Variants in CPSF7 observed in about 807,000 individuals in gnomAD.
CPSF7 encodes cleavage and polyadenylation specificity factor subunit 7.
In CPSF7, 1 loss-of-function variant was observed where a neutral mutation model predicts 44.3. That is an observed-to-expected ratio of 0.02 (90% confidence interval 0.01 to 0.11). The LOEUF is 0.11. CPSF7 is among the 10% of genes least tolerant of loss of function. The pLI is 1.00. For missense variants in CPSF7, 443 were observed against 607.2 expected (o/e 0.73, Z 2.84); for synonymous variants, 202 against 222.0 (o/e 0.91, Z 0.80).
intron 9 of CPSF7, chr11:61,406,283 A>G (rs1184152296): frequency 2.0e-5 from 3 of 152,224 alleles, no homozygotes; most frequent in African/African-American, 7.2e-5. Flanking sequence ...ATGGACAAAG[A>G]AGGCTACTGT....
intron 3 of CPSF7, chr11:61,420,802 G>C (rs571609789): frequency 1.9e-5 from 11 of 578,232 alleles, no homozygotes; most frequent in Middle Eastern, 4.7e-4. Context: ...AAAACTTATT[G>C]TAACTTTGAC....
chr11:61,406,188 T>C (rs1371229436), intron 9 of CPSF7: 1 of 152,180 alleles, frequency 6.6e-6, no homozygotes, highest in Non-Finnish European at 1.5e-5. Flanking sequence ...GGTGCCAATG[T>C]TGGAATGCAG....
intron 9 of CPSF7, among the ~76,000 whole-genome samples, chr11:61,405,346 G>A (rs893575254): frequency 2.0e-5 from 3 of 152,160 alleles, no homozygotes; most frequent in African/African-American, 7.2e-5. Context: ...TTTTCCAAGT[G>A]TACTAAAACT....
intron 9 of CPSF7, among the ~76,000 whole-genome samples, chr11:61,407,231 G>A (rs574590755): frequency 1.3e-5 from 2 of 152,300 alleles, no homozygotes; most frequent in East Asian, 1.9e-4. Context: ...ATGCATTTAT[G>A]TTCTAACTAC....
chr11:61,412,039 G>T, intron 7 of CPSF7, 102 bp from the exon 8 acceptor site: 1 of 1,002,878 alleles, frequency 1.0e-6, no homozygotes, highest in Non-Finnish European at 1.5e-6. Context: ...GTAGCTAGCC[G>T]TCCCAAACAA....
intron 5 of CPSF7, among the ~76,000 whole-genome samples, chr11:61,416,947 C>T (rs759898212): frequency 3.3e-5 from 5 of 152,128 alleles, no homozygotes; most frequent in Non-Finnish European, 5.9e-5. Flanking sequence ...TACTAGTTAA[C>T]CTCTTCCTGT....
At chr11:61,428,306 C>T (rs1044172284) in intron 2 of CPSF7, among the ~76,000 whole-genome samples, 1 of 152,142 alleles carries the variant, frequency 6.6e-6, no homozygotes, top group African/African-American at 2.4e-5. Flanking sequence ...CCTCACTCTC[C>T]AGAGTAGATG....
chr11:61,419,922 C>T, intron 5 of CPSF7, 27 bp downstream of exon 5: 1 of 1,611,664 alleles, frequency 6.2e-7, no homozygotes. Context: ...CTCCACGTAC[C>T]CCCTCTTGGG....
rs1166208620 is a variant in CPSF7, at chr11:61,411,094, C to T, written c.1238G>A (p.Arg413His). 4 of 1,608,894 alleles carry T rather than the reference C, an allele frequency of 2.5e-6. No homozygotes were observed. Among genetic ancestry groups the T allele is most frequent in the Non-Finnish European group, 2.5e-6 (3 of 1,178,556 alleles). ...ASGSSSRKRH[R>H]SRERSPSRSR... ...CCGGCTAGGTGACCTTTCCCGGGAG[C>T]GATGTCTTTTCCTATTAGAAAGATC... is the stretch of plus-strand genomic sequence containing the variant. The change falls in exon 9 of 10, where the codon CGC (arginine) becomes CAC (histidine). Residue 413 changes from arginine (R) to histidine (H), a missense_variant. Transcript: ENST00000439958.
At chr11:61,428,301 C>G (rs2135419357) in intron 2 of CPSF7, among the ~76,000 whole-genome samples, 1 of 152,282 alleles carries the variant, frequency 6.6e-6, no homozygotes, top group African/African-American at 2.4e-5. Flanking sequence ...TCTTGCCTCA[C>G]TCTCCAGAGT....
chr11:61,408,160 C>CA (rs1261446653), intron 9 of CPSF7, among the ~76,000 whole-genome samples: 1 of 151,584 alleles, frequency 6.6e-6, no homozygotes, highest in East Asian at 1.9e-4. Context: ...GGGTTCATGC[C>CA]ATTCTCCTGC....
chr11:61,422,002 T>C (rs1860926993), intron 2 of CPSF7, among the ~76,000 whole-genome samples: 2 of 152,230 alleles, frequency 1.3e-5, no homozygotes, highest in Non-Finnish European at 2.9e-5. Context: ...TTATGCTATT[T>C]CCAAAATCAA....
chr11:61,424,625 G>T (rs140443274), intron 2 of CPSF7, among the ~76,000 whole-genome samples: 1 of 152,130 alleles, frequency 6.6e-6, no homozygotes, highest in African/African-American at 2.4e-5. Flanking sequence ...GCTAATTTTT[G>T]TATTTTTAGT....
chr11:61,421,642 C>G lies in CPSF7; in HGVS notation c.55-34G>C, dbSNP rs148333372. 6.7e-4 allele frequency: 979 copies of G among 1,453,694 alleles called. 13 individuals are homozygous for G. The African/African-American group carries it at 0.011, about 17-fold the overall frequency. The allele number at this position is 1,453,694 out of a possible 1,614,324, so 90.0% of individuals were successfully genotyped here. Reference sequence around the variant, plus strand: ...TGAGGGGTTGGCAAAGGTAGGTCTGCAAACTTCATTTTGTTCATTCTATTT... The same window carrying G: ...TGAGGGGTTGGCAAAGGTAGGTCTGGAAACTTCATTTTGTTCATTCTATTT... On this transcript the variant is annotated intron_variant, in intron 2 of 9. Coordinates refer to ENST00000439958, the MANE Select transcript of CPSF7 (RefSeq NM_001142565.3).
intron 3 of CPSF7, chr11:61,420,932 T>C: frequency 1.8e-6 from 1 of 543,596 alleles, no homozygotes; most frequent in South Asian, 1.5e-5. Flanking sequence ...ATATACTTCC[T>C]AATTTGGAAA....
chr11:61,418,463 T>C (rs925409777), intron 5 of CPSF7, among the ~76,000 whole-genome samples: 3 of 152,224 alleles, frequency 2.0e-5, no homozygotes, highest in Admixed American at 1.3e-4. Flanking sequence ...GACTGATTCA[T>C]GCTAACCAAA....
rs1039940273 is a variant in CPSF7, at chr11:61,429,966, A to G, written c.-108T>C. On this transcript the variant is annotated 5_prime_UTR_variant, in exon 1 of 10. Transcript: ENST00000439958. ...TCCGGACTAGGCCCGAAGCGCGCGAACCGCTCTCCGCCCCAGGTCCCGCCC... is the reference window on the plus strand; with the variant it reads ...TCCGGACTAGGCCCGAAGCGCGCGAGCCGCTCTCCGCCCCAGGTCCCGCCC... 7.8e-6 allele frequency: 10 copies of G among 1,283,972 alleles called. No individual in the cohort carries two copies. The highest frequency in any genetic ancestry group is 9.4e-6 in the Non-Finnish European group (9 of 955,514). The allele number at this position is 1,283,972 out of a possible 1,614,324, so 79.5% of individuals were successfully genotyped here. A position where few individuals can be genotyped will look rare whatever the true frequency, so the allele number is the denominator to read the frequency against.
At position 61,429,879 on chromosome 11, in the gene CPSF7, G is replaced by A. The variant is rs1024665069; in HGVS notation, c.-56+35C>T. ...CAGTGCCGGCCCGGACCCCTCTTCC[G>A]GCCCAACCTGCCCCCGACCGCGCGC... is the stretch of plus-strand genomic sequence containing the variant. On this transcript the variant is annotated intron_variant, in intron 1 of 9. Coordinates refer to ENST00000439958, the MANE Select transcript of CPSF7 (RefSeq NM_001142565.3). 148 of 1,529,636 alleles carry A rather than the reference G, an allele frequency of 9.7e-5. 1 individual carries two copies. The highest frequency in any genetic ancestry group is 5.1e-4 in the Middle Eastern group (3 of 5,906). The allele number at this position is 1,529,636 out of a possible 1,614,324, so 94.8% of individuals were successfully genotyped here.
chr11:61,407,365 A>G (rs1286036739), intron 9 of CPSF7, among the ~76,000 whole-genome samples: 2 of 152,332 alleles, frequency 1.3e-5, no homozygotes, highest in East Asian at 3.9e-4. Context: ...GTGCTTTTCA[A>G]CCCACAAGTA....
Sources: gnomAD v4.1 joint callset for allele counts (sites outside exome capture counted in the v4.1 genomes callset) on GRCh38, gnomAD v4.1.1 for gene constraint, MANE v1.5 for transcripts, NCBI Gene and HGNC (gene_info 2026-07-23, HGNC 2026-07-21) for gene names.